Variants in TBC1D14 observed in about 807,000 individuals in gnomAD.
The protein encoded by TBC1D14 is TBC1 domain family, member 14.
In TBC1D14, 26 loss-of-function variants were observed where a neutral mutation model predicts 79.0. The ratio of observed to expected loss-of-function variants is 0.33; its 90% CI spans 0.24 to 0.46. The LOEUF is 0.46. Ranked by LOEUF, TBC1D14 falls within the 20% of genes least tolerant of loss-of-function variation. The probability of loss-of-function intolerance (pLI) is 1.00; values close to 1 mark genes in which losing one functional copy is unlikely to be tolerated. For synonymous variants in TBC1D14, 394 were observed against 349.9 expected, an observed-to-expected ratio of 1.13 and a Z score of -1.40; for missense variants, 769 against 887.6, an observed-to-expected ratio of 0.87 and a Z score of 1.70.
chr4:6,978,215 C>T (rs1577112270), intron 3 of TBC1D14, among the ~76,000 whole-genome samples: 2 of 151,612 alleles, frequency 1.3e-5, no homozygotes, highest in Non-Finnish European at 1.5e-5. Flanking sequence ...CCCCTCTGCC[C>T]GGCCACCACC....
chr4:6,961,074 G>A (rs1001548634), intron 2 of TBC1D14, among the ~76,000 whole-genome samples: 6 of 152,102 alleles, frequency 3.9e-5, no homozygotes, highest in African/African-American at 7.2e-5. Context: ...AAATGGACAC[G>A]CCATTATTCT....
intron 13 of TBC1D14, 69 bp from the exon 14 acceptor site, chr4:7,030,258 C>G: frequency 2.0e-6 from 3 of 1,514,590 alleles, no homozygotes; most frequent in Middle Eastern, 1.7e-4. Context: ...ACTGCTGTCT[C>G]TGCTTCGCTG....
intron 1 of TBC1D14, among the ~76,000 whole-genome samples, chr4:6,917,605 A>T (rs1054936008): frequency 2.0e-5 from 3 of 151,962 alleles, no homozygotes; most frequent in African/African-American, 7.3e-5. Flanking sequence ...GGGGGCGGGT[A>T]ATGGCTGGGG....
At chr4:6,913,865 A>T (rs1169091979) in intron 1 of TBC1D14, among the ~76,000 whole-genome samples, 2 of 152,172 alleles carry the variant, frequency 1.3e-5, no homozygotes, top group African/African-American at 2.4e-5. Flanking sequence ...GCTGTGGCTC[A>T]TGCCTCTAAT....
chr4:6,916,894 C>T (rs1189602364), intron 1 of TBC1D14, among the ~76,000 whole-genome samples: 3 of 152,222 alleles, frequency 2.0e-5, no homozygotes, highest in African/African-American at 7.2e-5. Flanking sequence ...CCTACGGATG[C>T]GTACTGCAGT....
intron 12 of TBC1D14, among the ~76,000 whole-genome samples, chr4:7,020,022 T>TG (rs34062605): frequency 0.34 from 35,459 of 105,124 alleles, 5,870 homozygotes; most frequent in East Asian, 0.48. Context: ...TGAACCCCGC[T>TG]GGGCTCAGGT....
At chr4:6,991,114 T>A (rs1051770160) in intron 3 of TBC1D14, among the ~76,000 whole-genome samples, 4 of 152,234 alleles carry the variant, frequency 2.6e-5, no homozygotes, top group Non-Finnish European at 5.9e-5. Flanking sequence ...TGCCTGGGAT[T>A]TCAAGTATGA....
intron 12 of TBC1D14, among the ~76,000 whole-genome samples, chr4:7,020,292 C>T (rs977500425): frequency 1.3e-5 from 2 of 152,232 alleles, no homozygotes; most frequent in Non-Finnish European, 2.9e-5. Flanking sequence ...TGAACTGAGT[C>T]TTAAGTAACC....
chr4:6,978,109 AG>A (rs1394040881), intron 3 of TBC1D14, among the ~76,000 whole-genome samples: 1 of 145,886 alleles, frequency 6.9e-6, no homozygotes, highest in African/African-American at 2.6e-5. Flanking sequence ...CCCATCCGGG[AG>A]GGAGGTGGGG....
At chr4:7,002,551 G>A (rs764055692) in intron 7 of TBC1D14, among the ~76,000 whole-genome samples, 30 of 152,182 alleles carry the variant, frequency 2.0e-4, no homozygotes, top group Non-Finnish European at 4.0e-4. Flanking sequence ...CCAAACCTTG[G>A]TATTGGCTCG....
intron 2 of TBC1D14, among the ~76,000 whole-genome samples, chr4:6,966,694 T>C (rs1715726685): frequency 1.3e-5 from 2 of 152,236 alleles, no homozygotes; most frequent in East Asian, 1.9e-4. Context: ...TGAGCCAGAG[T>C]TTCAATTCAG....
chr4:7,006,760 T>G (rs773041006), intron 9 of TBC1D14, 34 bp downstream of exon 9: 7 of 1,592,476 alleles, frequency 4.4e-6, no homozygotes, highest in Non-Finnish European at 6.0e-6. Flanking sequence ...TTCAAGTATG[T>G]TTTGTCTAAA....
At chr4:7,025,608 A>G (rs138041489) in intron 13 of TBC1D14, among the ~76,000 whole-genome samples, 1 of 152,264 alleles carries the variant, frequency 6.6e-6, no homozygotes, top group Non-Finnish European at 1.5e-5. Context: ...AAATAATGCC[A>G]GAGACAGAAA....
At chr4:6,988,814 C>T (rs1341231482) in intron 3 of TBC1D14, among the ~76,000 whole-genome samples, 1 of 150,716 alleles carries the variant, frequency 6.6e-6, no homozygotes, top group South Asian at 2.1e-4. Flanking sequence ...TCCTCCAGTT[C>T]ATAAGTAGCA....
At chr4:6,911,291 G>A (rs988066853) in intron 1 of TBC1D14, among the ~76,000 whole-genome samples, 2 of 152,194 alleles carry the variant, frequency 1.3e-5, no homozygotes, top group Non-Finnish European at 2.9e-5. Context: ...GGGTCATTGG[G>A]CGAAAACACC....
intron 3 of TBC1D14, among the ~76,000 whole-genome samples, chr4:6,970,603 C>T (rs139401571): frequency 2.6e-5 from 4 of 152,390 alleles, no homozygotes; most frequent in East Asian, 1.9e-4. Context: ...TCTTGTGCTG[C>T]GCACTGGGAG....
At chr4:6,947,659 C>CT (rs1313343890) in intron 2 of TBC1D14, among the ~76,000 whole-genome samples, 1 of 95,734 alleles carries the variant, frequency 1.0e-5, no homozygotes, top group Non-Finnish European at 2.3e-5. Context: ...GAGATTCCGT[C>CT]TCAAAAAAAA....
chr4:7,007,692 C>T (rs900169531), intron 9 of TBC1D14: 40 of 1,008,346 alleles, frequency 4.0e-5, no homozygotes, highest in Non-Finnish European at 3.2e-5. Flanking sequence ...GAGCCTGTTT[C>T]CTGGAACCCT....
intron 3 of TBC1D14, among the ~76,000 whole-genome samples, chr4:6,976,215 T>C (rs1017050199): frequency 6.6e-6 from 1 of 151,920 alleles, no homozygotes; most frequent in African/African-American, 2.4e-5. Flanking sequence ...GTCACTGGAG[T>C]GTCAGAAGGA....
Sources: gnomAD v4.1 joint callset for allele counts (sites outside exome capture counted in the v4.1 genomes callset) on GRCh38, gnomAD v4.1.1 for gene constraint, MANE v1.5 for transcripts, NCBI Gene and HGNC (gene_info 2026-07-23, HGNC 2026-07-21) for gene names.